Variants in IGSF21 observed in about 807,000 individuals in gnomAD.
IGSF21 encodes the protein immunoglobin superfamily member 21, also known as immunoglobulin superfamily member 21.
Under a neutral mutation model 46.8 loss-of-function variants are expected in IGSF21, and 28 were observed. That is an observed-to-expected ratio of 0.60 (90% CI 0.44 to 0.82). The LOEUF is 0.82. IGSF21 is among the 40% of genes least tolerant of loss of function. The probability of loss-of-function intolerance (pLI) is 0.00; values close to 1 mark genes in which losing one functional copy is unlikely to be tolerated. For synonymous variants in IGSF21, 284 were observed against 273.6 expected, an observed-to-expected ratio of 1.04 and a Z score of -0.38; for missense variants, 624 against 665.5, an observed-to-expected ratio of 0.94 and a Z score of 0.69.
At chr1:18,299,102 G>T (rs899833455) in intron 3 of IGSF21, among the ~76,000 whole-genome samples, 1 of 152,234 alleles carries the variant, frequency 6.6e-6, no homozygotes, top group Admixed American at 6.5e-5. Context: ...CATTTGAAGT[G>T]GTTCTAGAGG....
chr1:18,167,727 G>A (rs2086693130), intron 1 of IGSF21: 1 of 152,204 alleles, frequency 6.6e-6, no homozygotes, highest in Admixed American at 6.5e-5. Flanking sequence ...TGGGGTGGGG[G>A]AGCCTATTTG....
intron 3 of IGSF21, among the ~76,000 whole-genome samples, chr1:18,330,167 G>T (rs190612357): frequency 6.3e-4 from 96 of 152,326 alleles, no homozygotes; most frequent in African/African-American, 2.3e-3. Flanking sequence ...TCTGGGGAAA[G>T]GGAGTCTCTG....
At chr1:18,320,774 C>A (rs1342781161) in intron 3 of IGSF21, among the ~76,000 whole-genome samples, 1 of 152,234 alleles carries the variant, frequency 6.6e-6, no homozygotes, top group Non-Finnish European at 1.5e-5. Context: ...GCTGCGTGAC[C>A]TCAGACAAAT....
chr1:18,359,387 G>GAAAGGAAGAAAGAAAGAAAGA (rs1557659651), intron 4 of IGSF21, among the ~76,000 whole-genome samples: 2 of 33,894 alleles, frequency 5.9e-5, no homozygotes, highest in African/African-American at 2.2e-4. Flanking sequence ...AGAAAGAAAG[G>GAAAGGAAGAAAGAAAGAAAGA]AAGGAAGGAA....
Position 18,335,071 on chromosome 1 carries a change from G to A in IGSF21, c.424+61G>A. 7.6e-7 allele frequency: 1 copy of A among 1,323,020 alleles called. No homozygotes were observed. Among genetic ancestry groups the A allele is most frequent in the East Asian group, 2.3e-5 (1 of 43,328 alleles). The allele number at this position is 1,323,020 out of a possible 1,614,324, so 82.0% of individuals were successfully genotyped here. ...GAGGAGGACGAGTATGCTTGAGTGT[G>A]TGAATGTGCGCACAGAGTGGCCATC... On this transcript the variant is annotated intron_variant, in intron 4 of 9. Transcript: ENST00000251296. This position sits in a 1 kb window ranked among gnomAD's most constrained non-coding sequence, Gnocchi z 4.8.
intron 1 of IGSF21, among the ~76,000 whole-genome samples, chr1:18,226,502 T>C (rs1321780275): frequency 1.3e-5 from 2 of 152,150 alleles, no homozygotes; most frequent in African/African-American, 4.8e-5. Flanking sequence ...GCTCCAGGGC[T>C]ATCCAGGGGC....
At chr1:18,154,706 A>G (rs1046909975) in intron 1 of IGSF21, among the ~76,000 whole-genome samples, 2 of 152,006 alleles carry the variant, frequency 1.3e-5, no homozygotes, top group Non-Finnish European at 2.9e-5. Context: ...CAGAGAACAC[A>G]AGAGCTAAAC....
intron 3 of IGSF21, among the ~76,000 whole-genome samples, chr1:18,310,996 A>G (rs541551753): frequency 7.2e-4 from 109 of 152,334 alleles, no homozygotes; most frequent in African/African-American, 2.4e-3. Flanking sequence ...GCCTGACTTT[A>G]TCTTAACTTG....
intron 1 of IGSF21, among the ~76,000 whole-genome samples, chr1:18,135,796 C>CT (rs2086362991): frequency 6.6e-6 from 1 of 152,184 alleles, no homozygotes; most frequent in African/African-American, 2.4e-5. Context: ...ATGGCTGGGT[C>CT]AAATGGCATT....
chr1:18,143,255 G>A (rs972089876), intron 1 of IGSF21, among the ~76,000 whole-genome samples: 21 of 152,134 alleles, frequency 1.4e-4, no homozygotes, highest in African/African-American at 4.6e-4. Context: ...CTCAGGATGC[G>A]GAGCTTCAGG....
chr1:18,169,778 T>C (rs1003377206), intron 1 of IGSF21, among the ~76,000 whole-genome samples: 1 of 152,132 alleles, frequency 6.6e-6, no homozygotes, highest in African/African-American at 2.4e-5. Context: ...GGGGAAGGAC[T>C]GTCCTTGGGG....
chr1:18,145,703 C>T (rs932136577), intron 1 of IGSF21, among the ~76,000 whole-genome samples: 1 of 152,174 alleles, frequency 6.6e-6, no homozygotes, highest in Non-Finnish European at 1.5e-5. Flanking sequence ...AAAATGCCAT[C>T]CCTCATGTCG....
chr1:18,244,432 G>A (rs1258704957), intron 2 of IGSF21, among the ~76,000 whole-genome samples: 1 of 152,246 alleles, frequency 6.6e-6, no homozygotes, highest in Non-Finnish European at 1.5e-5. Flanking sequence ...GGTTGTTGCA[G>A]GTGATGCTGG....
intron 9 of IGSF21, among the ~76,000 whole-genome samples, chr1:18,377,915 C>G (rs2086301626): frequency 1.3e-5 from 2 of 152,292 alleles, no homozygotes; most frequent in Non-Finnish European, 2.9e-5. Flanking sequence ...CCAACCTGCT[C>G]TAGCCTGAGC....
intron 3 of IGSF21, among the ~76,000 whole-genome samples, chr1:18,307,230 C>T (rs1426010600): frequency 2.0e-5 from 3 of 152,014 alleles, no homozygotes; most frequent in Non-Finnish European, 4.4e-5. Flanking sequence ...AGTCATAACT[C>T]TCCCTCCTCC....
chr1:18,220,244 G>T (rs1444663090), intron 1 of IGSF21, among the ~76,000 whole-genome samples: 2 of 152,152 alleles, frequency 1.3e-5, no homozygotes, highest in African/African-American at 2.4e-5. Context: ...ACCTGATAGG[G>T]TGGCCACTCA....
intron 4 of IGSF21, among the ~76,000 whole-genome samples, chr1:18,350,299 A>G (rs758083023): frequency 1.3e-5 from 2 of 152,080 alleles, no homozygotes; most frequent in Non-Finnish European, 2.9e-5. Context: ...GAGGGTGGAG[A>G]GAGTACTTCC....
intron 4 of IGSF21, among the ~76,000 whole-genome samples, chr1:18,352,971 G>A (rs951949608): frequency 1.3e-5 from 2 of 152,004 alleles, no homozygotes; most frequent in Non-Finnish European, 2.9e-5. Context: ...CCCACCCCTC[G>A]CCACTGCACC....
chr1:18,286,218 A>G (rs1007353321), intron 2 of IGSF21, among the ~76,000 whole-genome samples: 2 of 152,230 alleles, frequency 1.3e-5, no homozygotes, highest in African/African-American at 4.8e-5. Flanking sequence ...TATTACAAGT[A>G]TAATACATGT....
Sources: gnomAD v4.1 joint callset for allele counts (sites outside exome capture counted in the v4.1 genomes callset) on GRCh38, gnomAD v4.1.1 for gene constraint, Gnocchi (gnomAD v3.1) non-coding constraint, MANE v1.5 for transcripts, NCBI Gene and HGNC (gene_info 2026-07-23, HGNC 2026-07-21) for gene names.